SRRM4: variants seen among roughly 807,000 people sequenced by gnomAD.
SRRM4 encodes serine/arginine repetitive matrix protein 4.
SRRM4 carries 33 observed loss-of-function variants against 68.9 expected under a neutral mutation model. The ratio of observed to expected loss-of-function variants is 0.48; its 90% CI spans 0.36 to 0.64. The LOEUF (loss-of-function observed/expected upper bound fraction) is 0.64. SRRM4 is among the 30% of genes least tolerant of loss of function. The pLI is 0.00. For synonymous variants in SRRM4, 318 were observed against 318.8 expected (o/e 1.00, Z 0.03); for missense variants, 817 against 827.1 (o/e 0.99, Z 0.15).
chr12:118,987,054 G>A (rs1471011356), intron 1 of SRRM4, among the ~76,000 whole-genome samples: 2 of 152,128 alleles, frequency 1.3e-5, no homozygotes, highest in Non-Finnish European at 2.9e-5. Context: ...TATTTCTGAG[G>A]TGGAGGAAGT....
intron 7 of SRRM4, among the ~76,000 whole-genome samples, chr12:119,125,782 G>A (rs573462962): frequency 1.3e-5 from 2 of 152,018 alleles, no homozygotes; most frequent in South Asian, 2.1e-4. Context: ...TTAGCTGGGC[G>A]TAGTGGTGGG....
rs139652364 is a variant in SRRM4 at position 118,987,127 on chromosome 12, C to T, written c.131+5114C>T. Among the ~76,000 whole-genome samples the T allele has an allele frequency of 7.2e-5, 11 of 152,240 alleles. No homozygotes were observed. The East Asian group carries it at 1.4e-3, about 19-fold the overall frequency. On this transcript the variant is annotated intron_variant, in intron 1 of 12. Coordinates refer to ENST00000267260, the MANE Select transcript of SRRM4 (RefSeq NM_194286.4). ...TCCAGGCTCAAATCTTTCTTTGCTA[C>T]GTGCAAGCTGCAGGACCCGCTAGTC...
chr12:119,063,114 A>G (rs1028749024), intron 1 of SRRM4, among the ~76,000 whole-genome samples: 2 of 152,206 alleles, frequency 1.3e-5, no homozygotes, highest in Non-Finnish European at 2.9e-5. Flanking sequence ...TTTAGAAAAC[A>G]TTACTGGTAT....
At chr12:119,112,397 A>G (rs2136047117) in intron 2 of SRRM4, among the ~76,000 whole-genome samples, 1 of 152,316 alleles carries the variant, frequency 6.6e-6, no homozygotes, top group African/African-American at 2.4e-5. Context: ...TGGTTCCTCA[A>G]AGACCTAGAA....
intron 3 of SRRM4, among the ~76,000 whole-genome samples, chr12:119,116,070 T>C (rs1005313352): frequency 2.0e-5 from 3 of 152,168 alleles, no homozygotes; most frequent in Non-Finnish European, 4.4e-5. Flanking sequence ...CAGTCCCCAC[T>C]ACTCCCTACT....
rs150766929 is a variant in SRRM4, at chr12:119,150,122, T to G, written c.1077-895T>G. On this transcript the variant is annotated intron_variant, in intron 9 of 12. Transcript: ENST00000267260. ...TTCCTGTTTACTTTAATAAACTCAT[T>G]TTTAATATATAAGTAAAAGGAAAAT... Among the ~76,000 whole-genome samples the G allele has an allele frequency of 3.6e-3, 546 of 152,310 alleles. 4 individuals are homozygous for G. Among genetic ancestry groups the G allele is most frequent in the African/African-American group, 0.013 (526 of 41,574 alleles).
chr12:119,139,734 C>G (rs985622488), intron 8 of SRRM4, among the ~76,000 whole-genome samples: 5 of 152,132 alleles, frequency 3.3e-5, no homozygotes, highest in Non-Finnish European at 5.9e-5. Flanking sequence ...AGATCAAAAC[C>G]CCCCTGCCCT....
intron 2 of SRRM4, chr12:119,114,055 G>T: frequency 2.5e-6 from 1 of 404,416 alleles, no homozygotes. Context: ...TAATCAGTTG[G>T]TGTTTGGGTA....
intron 1 of SRRM4, among the ~76,000 whole-genome samples, chr12:119,007,245 C>T (rs1290051047): frequency 6.6e-6 from 1 of 152,184 alleles, no homozygotes; most frequent in Non-Finnish European, 1.5e-5. Flanking sequence ...CAGAGCTGGG[C>T]AAGATTGAGG....
intron 6 of SRRM4, among the ~76,000 whole-genome samples, chr12:119,123,511 A>T (rs1954236825): frequency 6.6e-6 from 1 of 152,004 alleles, no homozygotes. Flanking sequence ...AAGGACCATC[A>T]CTGAGATAAG....
At chr12:119,068,040 T>C (rs1442387317) in intron 1 of SRRM4, among the ~76,000 whole-genome samples, 2 of 152,340 alleles carry the variant, frequency 1.3e-5, no homozygotes, top group East Asian at 3.9e-4. Flanking sequence ...GCAAGTCCAC[T>C]AGGAATGTCC....
chr12:119,053,705 T>A (rs922505166), intron 1 of SRRM4, among the ~76,000 whole-genome samples: 5 of 152,064 alleles, frequency 3.3e-5, no homozygotes, highest in Admixed American at 3.3e-4. Context: ...GTCCCACGTT[T>A]GGGGTAAAAC....
At chr12:119,136,245 C>G (rs971269549) in intron 8 of SRRM4, among the ~76,000 whole-genome samples, 2 of 152,208 alleles carry the variant, frequency 1.3e-5, no homozygotes, top group African/African-American at 4.8e-5. Context: ...ATGCTTCCCC[C>G]TTTGTAGATA....
Position 118,981,591 on chromosome 12 carries a change from C to G in SRRM4, c.-292C>G. The G allele has an allele frequency of 2.8e-6, 1 of 359,620 alleles. No individual in the cohort carries two copies. 22.3% of individuals were successfully genotyped at this position (359,620 alleles called of 1,614,324 possible). A position where few individuals can be genotyped will look rare whatever the true frequency, so the allele number is the denominator to read the frequency against. ...TCGCCTCTTCTCTCCTGGTGCTGCC[C>G]AGAAAGCCAGCCCTCCCTTCCCTTC... On this transcript the variant is annotated 5_prime_UTR_variant, in exon 1 of 13. Transcript: ENST00000267260.
intron 1 of SRRM4, among the ~76,000 whole-genome samples, chr12:119,100,819 C>T (rs1246795113): frequency 1.3e-5 from 2 of 152,064 alleles, no homozygotes; most frequent in Non-Finnish European, 2.9e-5. Context: ...AAAGGTAACC[C>T]CCATAGGAGG....
chr12:119,065,729 GC>G (rs1274884244), intron 1 of SRRM4, among the ~76,000 whole-genome samples: 1 of 152,078 alleles, frequency 6.6e-6, no homozygotes, highest in African/African-American at 2.4e-5. Flanking sequence ...TCCAGCTTGG[GC>G]AACAGAGCAA....
intron 1 of SRRM4, among the ~76,000 whole-genome samples, chr12:119,083,641 A>G (rs1235038287): frequency 6.6e-6 from 1 of 152,174 alleles, no homozygotes; most frequent in African/African-American, 2.4e-5. Context: ...CTTGCCCCAG[A>G]ATTCTTATGT....
chr12:119,003,977 A>C (rs1463110949), intron 1 of SRRM4, among the ~76,000 whole-genome samples: 1 of 152,068 alleles, frequency 6.6e-6, no homozygotes, highest in Non-Finnish European at 1.5e-5. Context: ...TTAATTATTA[A>C]TGAATTGTTA....
chr12:119,010,582 A>T (rs1953442939), intron 1 of SRRM4, among the ~76,000 whole-genome samples: 1 of 152,210 alleles, frequency 6.6e-6, no homozygotes, highest in Non-Finnish European at 1.5e-5. Flanking sequence ...GAATACGTAC[A>T]CTCATACATT....
Sources: gnomAD v4.1 joint callset for allele counts (sites outside exome capture counted in the v4.1 genomes callset) on GRCh38, gnomAD v4.1.1 for gene constraint, MANE v1.5 for transcripts, NCBI Gene and HGNC (gene_info 2026-07-23, HGNC 2026-07-21) for gene names.